Variants in THRB observed in about 807,000 individuals in gnomAD.
THRB encodes thyroid hormone receptor beta.
In THRB, 12 loss-of-function variants were observed where a neutral mutation model predicts 47.8. That is an observed-to-expected ratio of 0.25 (90% CI 0.16 to 0.41). The LOEUF is 0.41. Ranked by LOEUF, THRB falls within the 10% of genes least tolerant of loss-of-function variation. THRB has a pLI of 1.00. For missense variants in THRB, 348 were observed against 589.2 expected (o/e 0.59, Z 4.24); for synonymous variants, 218 against 212.2 (o/e 1.03, Z -0.24).
At chr3:24,386,891 A>C (rs1197838567) in intron 1 of THRB, among the ~76,000 whole-genome samples, 1 of 152,164 alleles carries the variant, frequency 6.6e-6, no homozygotes, top group African/African-American at 2.4e-5. Context: ...AGAGAACTAA[A>C]TGAGTTAAAG....
In THRB at chr3:24,357,076, C is replaced by T. The variant is rs115653861; in HGVS notation, c.-260-19705G>A. 6.8e-3 allele frequency among the ~76,000 whole-genome samples: 1,030 copies of T among 150,976 alleles called. 17 individuals carry two copies. Among genetic ancestry groups the T allele is most frequent in the Middle Eastern group, 0.034 (10 of 294 alleles). ...AATAATTTAACTAAAAATGTAAAGG[C>T]TCTTATTTATGGTGAGGCACCTGAC... On this transcript the variant is annotated intron_variant, in intron 1 of 10. Coordinates refer to ENST00000646209, the MANE Select transcript of THRB (RefSeq NM_001354712.2).
At chr3:24,309,278 A>G (rs2057578358) in intron 2 of THRB, among the ~76,000 whole-genome samples, 1 of 152,224 alleles carries the variant, frequency 6.6e-6, no homozygotes, top group Non-Finnish European at 1.5e-5. Context: ...CATAACTGCA[A>G]CAATAGTTTG....
chr3:24,368,332 T>C (rs11924768), intron 1 of THRB, among the ~76,000 whole-genome samples: 91,353 of 151,966 alleles, frequency 0.6, 29,138 homozygotes, highest in African/African-American at 0.83. Context: ...CATGGCAGGA[T>C]GTGTGTACAG....
At chr3:24,449,543 C>T (rs1426787364) in intron 1 of THRB, among the ~76,000 whole-genome samples, 1 of 152,138 alleles carries the variant, frequency 6.6e-6, no homozygotes, top group Non-Finnish European at 1.5e-5. Context: ...ACATTTAGTC[C>T]AACAGCTCTA....
chr3:24,178,687 C>T (rs1559522186), intron 5 of THRB, among the ~76,000 whole-genome samples: 2 of 152,160 alleles, frequency 1.3e-5, no homozygotes, highest in African/African-American at 2.4e-5. Context: ...GAAAAACACT[C>T]CATGATCTCC....
At chr3:24,230,022 T>C (rs777404539) in intron 3 of THRB, among the ~76,000 whole-genome samples, 1 of 152,228 alleles carries the variant, frequency 6.6e-6, no homozygotes, top group Non-Finnish European at 1.5e-5. Flanking sequence ...TTGAAGATGC[T>C]GTGAGTGGAA....
chr3:24,227,021 T>C (rs1438529428), intron 4 of THRB, among the ~76,000 whole-genome samples: 13 of 152,202 alleles, frequency 8.5e-5, no homozygotes, highest in Non-Finnish European at 4.4e-5. Flanking sequence ...AACTGCACTG[T>C]ACCTAGAACT....
chr3:24,246,205 T>C (rs1404290678), intron 3 of THRB, among the ~76,000 whole-genome samples: 1 of 152,194 alleles, frequency 6.6e-6, no homozygotes, highest in Non-Finnish European at 1.5e-5. Context: ...TTGTTATGCA[T>C]AGTTAAGCCT....
At chr3:24,304,236 T>C (rs140809577) in intron 2 of THRB, among the ~76,000 whole-genome samples, 4 of 152,158 alleles carry the variant, frequency 2.6e-5, no homozygotes, top group African/African-American at 9.6e-5. Context: ...TATGAGTTAA[T>C]AAAATAGATT....
chr3:24,312,562 A>G (rs1193986028), intron 2 of THRB, among the ~76,000 whole-genome samples: 5 of 152,216 alleles, frequency 3.3e-5, no homozygotes, highest in Non-Finnish European at 5.9e-5. Flanking sequence ...TGGCAGAATC[A>G]TTACATAAAA....
At position 24,120,611 on chromosome 3, in the gene THRB, T is replaced by TCC. The variant is rs1244599015; in HGVS notation, c.*2272_*2273insGG. 2 of 152,242 alleles carry TCC rather than the reference T, an allele frequency of 1.3e-5. No homozygotes were observed. Among genetic ancestry groups the TCC allele is most frequent in the Non-Finnish European group, 2.9e-5 (2 of 68,046 alleles). 9.4% of individuals were successfully genotyped at this position (152,242 alleles called of 1,614,324 possible). A position where few individuals can be genotyped will look rare whatever the true frequency, so the allele number is the denominator to read the frequency against. On this transcript the variant is annotated 3_prime_UTR_variant, in exon 11 of 11. Transcript: ENST00000646209. ...CCCAGACAGCAGAGCTTCTCAGGGTTACCCTGGAGCACAGAGGTGGCTAAG... is the reference window on the plus strand; with the variant it reads ...CCCAGACAGCAGAGCTTCTCAGGGTTCCACCCTGGAGCACAGAGGTGGCTAAG...
chr3:24,402,373 T>C (rs532451681), intron 1 of THRB, among the ~76,000 whole-genome samples: 5 of 152,086 alleles, frequency 3.3e-5, no homozygotes, highest in African/African-American at 1.2e-4. Flanking sequence ...CCTTGAGGGG[T>C]TGCCACAAGC....
chr3:24,390,096 C>T (rs1427919482), intron 1 of THRB, among the ~76,000 whole-genome samples: 1 of 152,060 alleles, frequency 6.6e-6, no homozygotes. Flanking sequence ...CTCAAAGCTC[C>T]CCATACCCCT....
chr3:24,288,256 G>A (rs961587542), intron 3 of THRB, among the ~76,000 whole-genome samples: 4 of 152,240 alleles, frequency 2.6e-5, no homozygotes, highest in Non-Finnish European at 5.9e-5. Flanking sequence ...TCAGTTCCTG[G>A]CCTTAACAAG....
At chr3:24,370,459 C>T (rs763206388) in intron 1 of THRB, among the ~76,000 whole-genome samples, 2 of 151,994 alleles carry the variant, frequency 1.3e-5, no homozygotes, top group Non-Finnish European at 2.9e-5. Flanking sequence ...GAGGTGTGCA[C>T]ATGAGTGTGT....
intron 1 of THRB, among the ~76,000 whole-genome samples, chr3:24,368,226 G>T (rs1034671065): frequency 6.6e-6 from 1 of 151,930 alleles, no homozygotes; most frequent in Admixed American, 6.6e-5. Flanking sequence ...AAAAATACAC[G>T]GATGACTTTT....
intron 5 of THRB, among the ~76,000 whole-genome samples, chr3:24,153,280 C>T (rs1334589518): frequency 6.6e-6 from 1 of 152,176 alleles, no homozygotes; most frequent in Non-Finnish European, 1.5e-5. Context: ...TTTGGCCTTC[C>T]TCAGGGTCTC....
chr3:24,224,363 G>A (rs1559654160), intron 4 of THRB, among the ~76,000 whole-genome samples: 1 of 152,148 alleles, frequency 6.6e-6, no homozygotes, highest in Non-Finnish European at 1.5e-5. Context: ...AAATCCCTTT[G>A]AGGAAGCGTG....
At chr3:24,190,787 G>A (rs1245086542) in intron 4 of THRB, among the ~76,000 whole-genome samples, 1 of 151,796 alleles carries the variant, frequency 6.6e-6, no homozygotes, top group African/African-American at 2.4e-5. Flanking sequence ...GCTGACCTGA[G>A]GGACACCCTG....
Sources: allele counts gnomAD v4.1 joint callset (sites outside exome capture counted in the v4.1 genomes callset), GRCh38; gene constraint gnomAD v4.1.1; transcripts MANE v1.5; gene names NCBI Gene and HGNC (gene_info 2026-07-23, HGNC 2026-07-21).